Variants in VKORC1L1 observed in about 807,000 individuals in gnomAD.
VKORC1L1 encodes the protein vitamin K epoxide reductase complex subunit 1-like protein 1.
VKORC1L1 carries 2 observed loss-of-function variants against 18.9 expected under a neutral mutation model. The observed-to-expected ratio is 0.11, with a 90% CI of 0.04 to 0.33. The LOEUF is 0.33. VKORC1L1 is among the 10% of genes least tolerant of loss of function. VKORC1L1 has a pLI of 1.00. For synonymous variants in VKORC1L1, 96 were observed against 100.0 expected, an observed-to-expected ratio of 0.96 and a Z score of 0.24; for missense variants, 123 against 224.1, an observed-to-expected ratio of 0.55 and a Z score of 2.88.
chr7:65,939,595 C>T (rs1245695984), intron 1 of VKORC1L1, among the ~76,000 whole-genome samples: 2 of 152,148 alleles, frequency 1.3e-5, no homozygotes, highest in Non-Finnish European at 2.9e-5. Flanking sequence ...CAATATTTTG[C>T]CAAACCCTGA....
chr7:65,928,254 C>CTTT (rs760146385), intron 1 of VKORC1L1, among the ~76,000 whole-genome samples: 19 of 106,210 alleles, frequency 1.8e-4, no homozygotes, highest in Non-Finnish European at 2.6e-4. Context: ...TTTTTTCCTT[C>CTTT]TTTTTTTTTT....
chr7:65,918,491 T>TAAA (rs1358164318), intron 1 of VKORC1L1, among the ~76,000 whole-genome samples: 1 of 152,222 alleles, frequency 6.6e-6, no homozygotes, highest in Non-Finnish European at 1.5e-5. Flanking sequence ...TCCAAAGACA[T>TAAA]AGCTTTCTGG....
intron 1 of VKORC1L1, among the ~76,000 whole-genome samples, chr7:65,918,494 C>T (rs56016656): frequency 0.11 from 16,876 of 152,264 alleles, 1,092 homozygotes; most frequent in Middle Eastern, 0.2. Context: ...AAAGACATAG[C>T]TTTCTGGTGG....
intron 1 of VKORC1L1, among the ~76,000 whole-genome samples, chr7:65,892,406 A>G (rs1789124149): frequency 6.6e-6 from 1 of 152,236 alleles, no homozygotes; most frequent in South Asian, 2.1e-4. Flanking sequence ...ACAGTGTACA[A>G]GGGTTCCCCT....
At chr7:65,903,645 G>A (rs550358947) in intron 1 of VKORC1L1, among the ~76,000 whole-genome samples, 4 of 152,208 alleles carry the variant, frequency 2.6e-5, no homozygotes, top group East Asian at 1.9e-4. Flanking sequence ...GGTGGCGCGC[G>A]CCTGTGGTTC....
At chr7:65,909,690 TTGTGTGTGTG>T (rs56074368) in intron 1 of VKORC1L1, among the ~76,000 whole-genome samples, 134 of 123,842 alleles carry the variant, frequency 1.1e-3, no homozygotes, top group African/African-American at 3.3e-3. Context: ...GTTTTAGCCT[TTGTGTGTGTG>T]TGTGTGTGTG....
chr7:65,876,029 T>G (rs1426363878), intron 1 of VKORC1L1, among the ~76,000 whole-genome samples: 2 of 152,204 alleles, frequency 1.3e-5, no homozygotes, highest in Non-Finnish European at 2.9e-5. Flanking sequence ...TGTAAAGTCC[T>G]CTATTATTTT....
chr7:65,895,023 C>T (rs1789168477), intron 1 of VKORC1L1, among the ~76,000 whole-genome samples: 1 of 152,210 alleles, frequency 6.6e-6, no homozygotes, highest in Non-Finnish European at 1.5e-5. Flanking sequence ...ATAGCTCTCA[C>T]ATTTGTAAGA....
intron 2 of VKORC1L1, among the ~76,000 whole-genome samples, chr7:65,950,878 T>G (rs1001946149): frequency 3.3e-5 from 5 of 152,192 alleles, no homozygotes; most frequent in African/African-American, 4.8e-5. Context: ...TCACTAGGTA[T>G]TCTGCATGTT....
In VKORC1L1 at chr7:65,901,872, A is replaced by G. The variant is rs374037375; in HGVS notation, c.194+28307A>G. Among the ~76,000 whole-genome samples the G allele has an allele frequency of 2.0e-3, 308 of 152,316 alleles. 1 individual carries two copies. The highest frequency in any genetic ancestry group is 6.8e-3 in the Middle Eastern group (2 of 294). ...GGCCAAACAATTCCTGGGACTCAAC[A>G]CAGAGCTGGGAATAGTCTGTGTTCC... On this transcript the variant is annotated intron_variant, in intron 1 of 2. Coordinates refer to ENST00000360768, the MANE Select transcript of VKORC1L1 (RefSeq NM_173517.6).
At chr7:65,938,663 G>A (rs919013734) in intron 1 of VKORC1L1, among the ~76,000 whole-genome samples, 5 of 152,194 alleles carry the variant, frequency 3.3e-5, no homozygotes, top group African/African-American at 1.2e-4. Context: ...TGGTGGAAGA[G>A]TATCTTTAAA....
At chr7:65,915,830 C>G (rs1789580207) in intron 1 of VKORC1L1, among the ~76,000 whole-genome samples, 1 of 151,830 alleles carries the variant, frequency 6.6e-6, no homozygotes, top group Non-Finnish European at 1.5e-5. Context: ...AAGAGGAAAC[C>G]TCCTGGCTGG....
At chr7:65,953,422 C>T (rs756099472) in intron 2 of VKORC1L1, among the ~76,000 whole-genome samples, 31 of 152,194 alleles carry the variant, frequency 2.0e-4, no homozygotes, top group Middle Eastern at 3.2e-3. Flanking sequence ...GGTTGTGGTC[C>T]TCATGTCCCG....
intron 1 of VKORC1L1, among the ~76,000 whole-genome samples, chr7:65,904,283 A>C (rs1789368183): frequency 6.6e-6 from 1 of 152,100 alleles, no homozygotes. Context: ...ATCCCAGCTC[A>C]CTGCAACCCC....
intron 1 of VKORC1L1, among the ~76,000 whole-genome samples, chr7:65,925,916 C>G (rs963373984): frequency 6.6e-6 from 1 of 151,928 alleles, no homozygotes; most frequent in Admixed American, 6.6e-5. Flanking sequence ...CCAATCTGTA[C>G]CCTAGAAGTA....
At chr7:65,901,356 A>G (rs1203443686) in intron 1 of VKORC1L1, among the ~76,000 whole-genome samples, 1 of 152,204 alleles carries the variant, frequency 6.6e-6, no homozygotes, top group Non-Finnish European at 1.5e-5. Flanking sequence ...ACCCTATCTC[A>G]AAACAGCAAC....
chr7:65,936,778 T>C (rs1562653208), intron 1 of VKORC1L1, among the ~76,000 whole-genome samples: 1 of 152,346 alleles, frequency 6.6e-6, no homozygotes, highest in South Asian at 2.1e-4. Context: ...TTTCGCTGTT[T>C]CTCTTGCTAG....
intron 1 of VKORC1L1, among the ~76,000 whole-genome samples, chr7:65,944,210 T>TA (rs551679929): frequency 1.3e-4 from 20 of 151,314 alleles, no homozygotes; most frequent in Admixed American, 8.6e-4. Context: ...CTACCAAAAA[T>TA]AAAAAAAATT....
intron 1 of VKORC1L1, among the ~76,000 whole-genome samples, chr7:65,917,545 CTCCCATGATAAATTTT>C (rs1789608969): frequency 6.6e-6 from 1 of 152,046 alleles, no homozygotes; most frequent in Admixed American, 6.6e-5. Context: ...GCCCTTTCCT[CTCCCATGATAAATTTT>C]TCCCAACATT....
Sources: allele counts gnomAD v4.1 joint callset (sites outside exome capture counted in the v4.1 genomes callset), GRCh38; gene constraint gnomAD v4.1.1; transcripts MANE v1.5; gene names NCBI Gene and HGNC (gene_info 2026-07-23, HGNC 2026-07-21).